Variants in SERPINA5 observed in about 807,000 individuals in gnomAD.
SERPINA5 encodes the protein serpin family A member 5.
Under a neutral mutation model 25.3 loss-of-function variants are expected in SERPINA5, and 25 were observed. The ratio of observed to expected loss-of-function variants is 0.99; its 90% CI spans 0.72 to 1.38. The LOEUF is 1.38. Among genes scored for constraint, SERPINA5 ranks in the 40% most tolerant of loss-of-function variants. SERPINA5 has a pLI of 0.00. For missense variants in SERPINA5, 599 were observed against 509.5 expected, an observed-to-expected ratio of 1.18 and a Z score of -1.69; for synonymous variants, 234 against 206.2, an observed-to-expected ratio of 1.14 and a Z score of -1.16.
chr14:94,581,925 T>A (rs1884932771), intron 2 of SERPINA5: 1 of 152,042 alleles, frequency 6.6e-6, no homozygotes, highest in Admixed American at 6.5e-5. Flanking sequence ...GTTCAAAAGG[T>A]CAACAGGATC....
chr14:94,591,197 TC>T (rs1885274861), intron 5 of SERPINA5, among the ~76,000 whole-genome samples: 1 of 139,582 alleles, frequency 7.2e-6, no homozygotes, highest in Non-Finnish European at 1.5e-5. Flanking sequence ...ACTCTACTCC[TC>T]CACTCCACAT....
intron 5 of SERPINA5, among the ~76,000 whole-genome samples, chr14:94,591,182 A>C (rs1479974923): frequency 2.0e-5 from 2 of 101,028 alleles, no homozygotes; most frequent in Non-Finnish European, 4.0e-5. Flanking sequence ...CCTCTCATCC[A>C]CTCCACTCTA....
In SERPINA5 at chr14:94,592,103, C is replaced by T. The variant is rs1885324809; in HGVS notation, c.1085C>T (p.Ala362Val). ...GAGGTGGACGAGTCGGGAACCAGAGCAGCGGCAGCCACGGGGACAATATTC... is the reference window on the plus strand; with the variant it reads ...GAGGTGGACGAGTCGGGAACCAGAGTAGCGGCAGCCACGGGGACAATATTC... ...VVEVDESGTR[A>V]AAATGTIFTF... Residue 362 changes from alanine (A) to valine (V), a missense_variant, in exon 6 of 6, where the codon GCA becomes GTA. By Grantham distance (64) the Ala-to-Val change is moderately conservative. Coordinates refer to ENST00000329597, the MANE Select transcript of SERPINA5 (RefSeq NM_000624.6). The T allele has an allele frequency of 6.2e-7, 1 of 1,614,006 alleles. No homozygotes were observed. The highest frequency in any genetic ancestry group is 8.5e-7 in the Non-Finnish European group (1 of 1,179,912).
chr14:94,584,119 G>A (rs551042041), intron 2 of SERPINA5, among the ~76,000 whole-genome samples: 5 of 152,278 alleles, frequency 3.3e-5, no homozygotes, highest in Non-Finnish European at 7.3e-5. Context: ...AGGTGAGGTC[G>A]AGGAGGAACG....
intron 2 of SERPINA5, chr14:94,582,235 T>G (rs1208556386): frequency 6.6e-6 from 1 of 152,240 alleles, no homozygotes; most frequent in Non-Finnish European, 1.5e-5. Context: ...GTAGGGCTTT[T>G]GGCCAGATAT....
Position 94,587,758 on chromosome 14 carries a change from C to T in SERPINA5, c.396C>T (p.Ala132=). The stretch of plus-strand genomic sequence containing the variant: ...GCTTCCAGCTGAGCCTCGGCAATGC[C>T]CTTTTCACCGACCTGGTGGTAGACC... The part of the protein sequence containing the change: ...RDGFQLSLGN[A]LFTDLVVDLQ... Residue 132 remains alanine (A), a synonymous_variant, in exon 3 of 6, where the codon GCC becomes GCT. Transcript: ENST00000329597. 6.2e-7 allele frequency: 1 copy of T among 1,614,178 alleles called. No individual in the cohort carries two copies. The highest frequency in any genetic ancestry group is 1.1e-5 in the South Asian group (1 of 91,086).
chr14:94,587,086 A>G (rs1056386546), intron 2 of SERPINA5: 5 of 428,240 alleles, frequency 1.2e-5, no homozygotes, highest in African/African-American at 1.0e-4. Context: ...GGTAGACAGG[A>G]TTCCTGCCCT....
At chr14:94,591,192 A>C (rs1319357797) in intron 5 of SERPINA5, among the ~76,000 whole-genome samples, 5 of 89,246 alleles carry the variant, frequency 5.6e-5, no homozygotes, top group Admixed American at 2.6e-4. Flanking sequence ...ACTCCACTCT[A>C]CTCCTCCACT....
At chr14:94,584,682 C>T (rs540083534) in intron 2 of SERPINA5, among the ~76,000 whole-genome samples, 215 of 152,242 alleles carry the variant, frequency 1.4e-3, no homozygotes, top group Non-Finnish European at 2.5e-3. Flanking sequence ...AGGCCAGGGC[C>T]TCACTGAGAC....
chr14:94,588,200 C>T (rs528577015), intron 3 of SERPINA5, among the ~76,000 whole-genome samples: 14 of 152,266 alleles, frequency 9.2e-5, no homozygotes, highest in East Asian at 3.9e-4. Context: ...GTTTCCTCCA[C>T]GGAGGAAGAG....
chr14:94,592,315 T>A lies in SERPINA5; in HGVS notation c.*76T>A. On this transcript the variant is annotated 3_prime_UTR_variant, in exon 6 of 6. Coordinates refer to ENST00000329597, the MANE Select transcript of SERPINA5 (RefSeq NM_000624.6). ...GCTAAGCTATGGCCCATCTGTATGC[T>A]GGTAGCTAGTGATTTACACAGGTTT... 7.3e-7 allele frequency: 1 copy of A among 1,368,078 alleles called. No individual in the cohort carries two copies. The highest frequency in any genetic ancestry group is 1.4e-5 in the South Asian group (1 of 72,764). The allele number at this position is 1,368,078 out of a possible 1,614,324, so 84.7% of individuals were successfully genotyped here. A position where few individuals can be genotyped will look rare whatever the true frequency, so the allele number is the denominator to read the frequency against.
Position 94,587,592 on chromosome 14 carries a change from C to T in SERPINA5, c.230C>T (p.Ala77Val). The change falls in exon 3 of 6, where the codon GCC becomes GTC. Residue 77 changes from alanine to valine, a missense_variant. Ala to Val is a moderately conservative substitution (Grantham distance 64). Coordinates refer to ENST00000329597, the MANE Select transcript of SERPINA5 (RefSeq NM_000624.6). ...CCTGTGAGCATCTCCATGAGCCTGG[C>T]CATGCTCTCCCTGGGGGCTGGGTCC... ...FSPVSISMSL[A>V]MLSLGAGSST... 1.9e-6 allele frequency: 3 copies of T among 1,614,030 alleles called. No homozygotes were observed. Among genetic ancestry groups the T allele is most frequent in the Non-Finnish European group, 2.5e-6 (3 of 1,179,942 alleles).
intron 2 of SERPINA5, among the ~76,000 whole-genome samples, chr14:94,586,521 G>T (rs1208639874): frequency 6.6e-6 from 1 of 152,130 alleles, no homozygotes; most frequent in Non-Finnish European, 1.5e-5. Flanking sequence ...TAGTCATATT[G>T]GGTTGGGGCC....
At position 94,592,339 on chromosome 14, in the gene SERPINA5, T is replaced by A. The variant is rs1244311698; in HGVS notation, c.*100T>A. On this transcript the variant is annotated 3_prime_UTR_variant, in exon 6 of 6. Coordinates refer to ENST00000329597, the MANE Select transcript of SERPINA5 (RefSeq NM_000624.6). ...CTGGTAGCTAGTGATTTACACAGGT[T>A]TAGTTGACTAATGAGGCATTACAAA... The A allele has an allele frequency of 8.6e-7, 1 of 1,161,128 alleles. No individual in the cohort carries two copies. The highest frequency in any genetic ancestry group is 1.2e-6 in the Non-Finnish European group (1 of 816,536). 71.9% of individuals were successfully genotyped at this position (1,161,128 alleles called of 1,614,324 possible).
At chr14:94,582,583 C>T (rs1884949188) in intron 2 of SERPINA5, among the ~76,000 whole-genome samples, 1 of 152,176 alleles carries the variant, frequency 6.6e-6, no homozygotes, top group African/African-American at 2.4e-5. Flanking sequence ...GGGTGGCCAG[C>T]CTGGCTTTTT....
At chr14:94,588,081 C>T (rs978366326) in intron 3 of SERPINA5, 100 bp downstream of exon 3, 27 of 1,462,246 alleles carry the variant, frequency 1.8e-5, no homozygotes, top group African/African-American at 2.8e-5. Flanking sequence ...ACGGGGAGTA[C>T]GTTAAGTTCT....
intron 2 of SERPINA5, chr14:94,586,836 G>C (rs1192618379): frequency 6.5e-6 from 1 of 152,890 alleles, no homozygotes; most frequent in Non-Finnish European, 1.5e-5. Context: ...AGCGTTTGCT[G>C]AATGAACAGG....
At position 94,587,953 on chromosome 14, in the gene SERPINA5, G is replaced by T. The variant is rs776642887; in HGVS notation, c.591G>T (p.Val197=). ...LLKNLDSNAV[V]IMVNYIFFKA... ...AGAACCTCGATAGCAATGCGGTCGT[G>T]ATCATGGTGAATTACATCTTCTTTA... The change falls in exon 3 of 6, where the codon GTG becomes GTT. Residue 197 remains valine (V), a synonymous_variant. Coordinates refer to ENST00000329597, the MANE Select transcript of SERPINA5 (RefSeq NM_000624.6). 2 of 1,614,142 alleles carry T rather than the reference G, an allele frequency of 1.2e-6. No individual in the cohort carries two copies. Among genetic ancestry groups the T allele is most frequent in the Non-Finnish European group, 1.7e-6 (2 of 1,179,972 alleles).
rs910713265 is a variant in SERPINA5 at position 94,592,494 on chromosome 14, G to T, written c.*255G>T. ...AAGATTAACACTGAGATCCAGAGAG[G>T]CTGGATGACTTGCTCAAGTTCACCA... On this transcript the variant is annotated 3_prime_UTR_variant, in exon 6 of 6. Coordinates refer to ENST00000329597, the MANE Select transcript of SERPINA5 (RefSeq NM_000624.6). 2.3e-5 allele frequency: 9 copies of T among 395,508 alleles called. No homozygotes were observed. The highest frequency in any genetic ancestry group is 3.6e-5 in the Non-Finnish European group (8 of 220,676). The allele number at this position is 395,508 out of a possible 1,614,324, so 24.5% of individuals were successfully genotyped here.
Sources: gnomAD v4.1 joint callset for allele counts (sites outside exome capture counted in the v4.1 genomes callset) on GRCh38, gnomAD v4.1.1 for gene constraint, MANE v1.5 for transcripts, NCBI Gene and HGNC (gene_info 2026-07-23, HGNC 2026-07-21) for gene names.